Variants in CHN2 observed in about 807,000 individuals in gnomAD.
CHN2 encodes beta-chimaerin.
A neutral mutation model predicts 56.3 loss-of-function variants in CHN2; 35 were observed. The ratio of observed to expected loss-of-function variants is 0.62; its 90% CI spans 0.47 to 0.82. The LOEUF (loss-of-function observed/expected upper bound fraction) is 0.82. Among genes scored for constraint, CHN2 ranks in the 40% least tolerant of loss-of-function variants. CHN2 has a pLI of 0.00. For missense variants in CHN2, 491 were observed against 580.5 expected (o/e 0.85, Z 1.58); for synonymous variants, 210 against 212.8 (o/e 0.99, Z 0.12).
intron 6 of CHN2, among the ~76,000 whole-genome samples, chr7:29,401,557 G>C (rs920244114): frequency 7.2e-5 from 11 of 152,184 alleles, no homozygotes; most frequent in Admixed American, 3.3e-4. Flanking sequence ...GACTGCCCAT[G>C]ATCCACAGGT....
chr7:29,415,005 A>G (rs1803585134), intron 6 of CHN2, among the ~76,000 whole-genome samples: 1 of 152,138 alleles, frequency 6.6e-6, no homozygotes, highest in Non-Finnish European at 1.5e-5. Flanking sequence ...CATTGCACTG[A>G]GCACACCCCA....
At chr7:29,153,804 A>C (rs1441381686) in intron 2 of CHN2, among the ~76,000 whole-genome samples, 5 of 152,148 alleles carry the variant, frequency 3.3e-5, no homozygotes, top group Non-Finnish European at 7.3e-5. Flanking sequence ...TCTTGGCCTC[A>C]AGTGATCTAC....
intron 6 of CHN2, among the ~76,000 whole-genome samples, chr7:29,425,469 C>A (rs1220209519): frequency 6.6e-6 from 1 of 152,204 alleles, no homozygotes; most frequent in African/African-American, 2.4e-5. Flanking sequence ...TGCAGCATGA[C>A]CTAGCCTGTA....
chr7:29,400,423 A>G (rs1802108938), intron 5 of CHN2, 120 bp from the exon 6 acceptor site: 1 of 963,850 alleles, frequency 1.0e-6, no homozygotes, highest in African/African-American at 1.6e-5. Flanking sequence ...AATCACATCA[A>G]GTGCTTAGCC....
chr7:29,327,896 C>G (rs1213002429), intron 1 of CHN2, among the ~76,000 whole-genome samples: 3 of 152,138 alleles, frequency 2.0e-5, no homozygotes, highest in Non-Finnish European at 4.4e-5. Context: ...CTTTGTGCTT[C>G]TTTCAACCTT....
At chr7:29,301,055 C>T (rs1315944902) in intron 1 of CHN2, among the ~76,000 whole-genome samples, 1 of 151,914 alleles carries the variant, frequency 6.6e-6, no homozygotes, top group African/African-American at 2.4e-5. Flanking sequence ...ATATAAATGA[C>T]AAGTTTAAAA....
intron 1 of CHN2, among the ~76,000 whole-genome samples, chr7:29,195,629 A>AGAGGGAGAGAGG (rs869037854): frequency 4.3e-4 from 50 of 117,580 alleles, no homozygotes; most frequent in African/African-American, 1.8e-3. Context: ...AGAGAGAGAG[A>AGAGGGAGAGAGG]GTGTGTGTGT....
At chr7:29,389,936 C>A (rs771124716) in intron 3 of CHN2, among the ~76,000 whole-genome samples, 91 of 151,572 alleles carry the variant, frequency 6.0e-4, no homozygotes, top group Admixed American at 5.9e-4. Flanking sequence ...CGCCTGTAAT[C>A]CCAGCTACTC....
intron 6 of CHN2, among the ~76,000 whole-genome samples, chr7:29,437,495 G>A (rs1377770101): frequency 4.0e-4 from 48 of 121,054 alleles, no homozygotes; most frequent in African/African-American, 7.6e-4. Context: ...CTACTCGGGA[G>A]GCTGAGGCAG....
At chr7:29,218,220 T>A (rs1785487234) in intron 1 of CHN2, among the ~76,000 whole-genome samples, 1 of 134,364 alleles carries the variant, frequency 7.4e-6, no homozygotes, top group Non-Finnish European at 1.6e-5. Context: ...CTCGCCAGCA[T>A]GACTCTCTTT....
At chr7:29,300,398 G>A (rs1385305833) in intron 1 of CHN2, among the ~76,000 whole-genome samples, 1 of 152,118 alleles carries the variant, frequency 6.6e-6, no homozygotes, top group Non-Finnish European at 1.5e-5. Flanking sequence ...GGAGAGGAGG[G>A]TGGGGCAAGG....
At chr7:29,468,398 C>T (rs1174587554) in intron 6 of CHN2, among the ~76,000 whole-genome samples, 1 of 151,998 alleles carries the variant, frequency 6.6e-6, no homozygotes, top group Non-Finnish European at 1.5e-5. Flanking sequence ...GAACTTCCAC[C>T]AACACCAAGG....
chr7:29,455,550 T>C (rs974298464), intron 6 of CHN2, among the ~76,000 whole-genome samples: 5 of 152,150 alleles, frequency 3.3e-5, no homozygotes, highest in African/African-American at 1.2e-4. Flanking sequence ...GCAGGAACTG[T>C]GGGATTCCAG....
chr7:29,211,066 T>A (rs900031165), intron 1 of CHN2, among the ~76,000 whole-genome samples: 3 of 101,058 alleles, frequency 3.0e-5, no homozygotes, highest in African/African-American at 1.2e-4. Flanking sequence ...TTTGTTTTTT[T>A]TTTTGTTGTT....
intron 1 of CHN2, among the ~76,000 whole-genome samples, chr7:29,276,134 A>T (rs1274756353): frequency 6.8e-6 from 1 of 147,832 alleles, no homozygotes; most frequent in Non-Finnish European, 1.5e-5. Flanking sequence ...TTAATGAGTA[A>T]ATCATTGACT....
chr7:29,300,175 C>G (rs117030854), intron 1 of CHN2, among the ~76,000 whole-genome samples: 1 of 152,294 alleles, frequency 6.6e-6, no homozygotes, highest in Non-Finnish European at 1.5e-5. Flanking sequence ...TATGGAACGT[C>G]TTACATGTCA....
At chr7:29,483,372 T>C (rs1446423619) in intron 7 of CHN2, among the ~76,000 whole-genome samples, 1 of 152,170 alleles carries the variant, frequency 6.6e-6, no homozygotes, top group African/African-American at 2.4e-5. Flanking sequence ...ACAAAGCTTG[T>C]CTAAGCAAAG....
intron 1 of CHN2, among the ~76,000 whole-genome samples, chr7:29,318,519 G>A (rs914438972): frequency 3.3e-5 from 5 of 152,178 alleles, no homozygotes; most frequent in Non-Finnish European, 5.9e-5. Context: ...TGTCCTGGGA[G>A]GATGTAGAGT....
chr7:29,170,348 T>C (rs1484824809), intron 2 of CHN2, among the ~76,000 whole-genome samples: 1 of 152,230 alleles, frequency 6.6e-6, no homozygotes, highest in Non-Finnish European at 1.5e-5. Context: ...TATGCTTTCC[T>C]TCATGTCAGT....
Sources: gnomAD v4.1 joint callset for allele counts (sites outside exome capture counted in the v4.1 genomes callset) on GRCh38, gnomAD v4.1.1 for gene constraint, MANE v1.5 for transcripts, NCBI Gene and HGNC (gene_info 2026-07-23, HGNC 2026-07-21) for gene names.